ARHGEF10: variants seen among roughly 807,000 people sequenced by gnomAD.
The protein encoded by ARHGEF10 is Rho guanine nucleotide exchange factor (GEF) 10.
A neutral mutation model predicts 147.4 loss-of-function variants in ARHGEF10; 140 were observed. The ratio of observed to expected loss-of-function variants is 0.95; its 90% CI spans 0.83 to 1.09. The LOEUF (loss-of-function observed/expected upper bound fraction) is 1.09. ARHGEF10 is among the 50% of genes least tolerant of loss of function. The pLI, the probability that ARHGEF10 is intolerant of heterozygous loss-of-function variation, is 0.00. For missense variants in ARHGEF10, 2,222 were observed against 1,752.7 expected, an observed-to-expected ratio of 1.27 and a Z score of -4.78; for synonymous variants, 902 against 695.8, an observed-to-expected ratio of 1.30 and a Z score of -4.67.
At chr8:1,875,553 A>G (rs895720398) in intron 7 of ARHGEF10, among the ~76,000 whole-genome samples, 5 of 152,234 alleles carry the variant, frequency 3.3e-5, no homozygotes, top group Non-Finnish European at 7.3e-5. Context: ...CGTGGCACAC[A>G]GAACACACTG....
chr8:1,954,597 C>T (rs1328218207), intron 28 of ARHGEF10, among the ~76,000 whole-genome samples: 2 of 152,184 alleles, frequency 1.3e-5, no homozygotes, highest in Admixed American at 1.3e-4. Context: ...GAAGAGGCCA[C>T]CTGCCTGTGC....
At chr8:1,884,540 AG>A (rs1477600730) in intron 10 of ARHGEF10, among the ~76,000 whole-genome samples, 2 of 152,176 alleles carry the variant, frequency 1.3e-5, no homozygotes, top group East Asian at 3.9e-4. Context: ...GGCTGGTGCC[AG>A]GCCCTCCTTC....
At chr8:1,925,590 G>A (rs530916653) in intron 22 of ARHGEF10, among the ~76,000 whole-genome samples, 186 bp downstream of exon 22, 4 of 152,292 alleles carry the variant, frequency 2.6e-5, no homozygotes, top group African/African-American at 4.8e-5. Context: ...CTAAAAAAAC[G>A]CCCAGCCATT....
At chr8:1,873,765 T>C (rs1159703023) in intron 7 of ARHGEF10, among the ~76,000 whole-genome samples, 2 of 152,062 alleles carry the variant, frequency 1.3e-5, no homozygotes, top group Non-Finnish European at 2.9e-5. Flanking sequence ...TGCACCCACA[T>C]TTCTTCACTC....
In ARHGEF10 at chr8:1,952,761, G is replaced by C; in HGVS notation, c.3454G>C (p.Gly1152Arg). The change falls in exon 28 of 29, where the codon GGC (glycine) becomes CGC (arginine). Residue 1152 changes from glycine (G) to arginine (R), a missense_variant. Gly to Arg is a moderately radical substitution (Grantham distance 125, BLOSUM62 -2). Coordinates refer to ENST00000349830, the MANE Select transcript of ARHGEF10 (RefSeq NM_014629.4). The stretch of plus-strand genomic sequence containing the variant: ...CGTCTGCCACGGATTGCTGATGGTC[G>C]GCACCAGCCTGGGAGTCCTCGTGGC... ...LLVCHGLLMVGTSLGVLVALP... is the reference protein window; with the variant it reads ...LLVCHGLLMVRTSLGVLVALP... The C allele has an allele frequency of 6.2e-7, 1 of 1,613,492 alleles. No homozygotes were observed. Among genetic ancestry groups the C allele is most frequent in the Non-Finnish European group, 8.5e-7 (1 of 1,180,040 alleles).
intron 27 of ARHGEF10, among the ~76,000 whole-genome samples, chr8:1,947,683 C>T (rs574515376): frequency 1.4e-5 from 2 of 147,804 alleles, no homozygotes; most frequent in South Asian, 4.4e-4. Flanking sequence ...CACCCCACCC[C>T]GCATTCAGCA....
intron 18 of ARHGEF10, among the ~76,000 whole-genome samples, chr8:1,918,429 T>C (rs1811921081): frequency 6.6e-6 from 1 of 151,514 alleles, no homozygotes; most frequent in Non-Finnish European, 1.5e-5. Flanking sequence ...AAGAGTATTC[T>C]CCCTTCCCAT....
chr8:1,908,283 T>G lies in ARHGEF10; in HGVS notation c.1968-1012T>G, dbSNP rs368236283. ...TCTCGCTCTGTCACCCAGGCTGGAG[T>G]GCTGTGGCTCGATCTCAGCTCGCTG... On this transcript the variant is annotated intron_variant, in intron 17 of 28. Coordinates refer to ENST00000349830, the MANE Select transcript of ARHGEF10 (RefSeq NM_014629.4). Among the ~76,000 whole-genome samples, 14 of 142,798 alleles carry G rather than the reference T, an allele frequency of 9.8e-5. No individual in the cohort carries two copies. In the East Asian group the frequency reaches 1.8e-3, roughly 19 times the overall value. 93.7% of individuals were successfully genotyped at this position (142,798 alleles called of 152,430 possible).
At chr8:1,881,623 G>T (rs75902657) in intron 9 of ARHGEF10, among the ~76,000 whole-genome samples, 1 of 152,160 alleles carries the variant, frequency 6.6e-6, no homozygotes, top group Non-Finnish European at 1.5e-5. Flanking sequence ...CAGGCGACGC[G>T]GGTGTGAGGC....
At chr8:1,831,370 C>T (rs2129034777) in intron 1 of ARHGEF10, among the ~76,000 whole-genome samples, 1 of 142,592 alleles carries the variant, frequency 7.0e-6, no homozygotes, top group East Asian at 2.1e-4. Flanking sequence ...AGTGTGACAT[C>T]CATGGAGGGA....
chr8:1,944,958 C>T (rs540345616), intron 26 of ARHGEF10, among the ~76,000 whole-genome samples: 16 of 152,350 alleles, frequency 1.1e-4, no homozygotes, highest in East Asian at 7.7e-4. Context: ...GATGCACTTT[C>T]GGAGCTGCGG....
At chr8:1,914,783 C>T (rs368810103) in intron 18 of ARHGEF10, among the ~76,000 whole-genome samples, 5 of 152,264 alleles carry the variant, frequency 3.3e-5, no homozygotes, top group African/African-American at 9.6e-5. Context: ...TCCTGTATGG[C>T]GTGTGGATTT....
intron 3 of ARHGEF10, 85 bp downstream of exon 3, chr8:1,858,200 G>T: frequency 7.6e-7 from 1 of 1,315,478 alleles, no homozygotes; most frequent in African/African-American, 1.5e-5. Flanking sequence ...GAGTCACCAG[G>T]TGAGTTCCCA....
At chr8:1,832,677 C>G (rs1352976287) in intron 1 of ARHGEF10, among the ~76,000 whole-genome samples, 2 of 64,552 alleles carry the variant, frequency 3.1e-5, no homozygotes, top group African/African-American at 6.6e-5. Context: ...GAGACAGAGG[C>G]AGAGACAGAG....
At chr8:1,887,610 G>A (rs1290805089) in intron 11 of ARHGEF10, among the ~76,000 whole-genome samples, 1 of 149,008 alleles carries the variant, frequency 6.7e-6, no homozygotes, top group Non-Finnish European at 1.5e-5. Flanking sequence ...AAGTCCCTGA[G>A]CAGGTGAGGG....
intron 18 of ARHGEF10, among the ~76,000 whole-genome samples, chr8:1,919,953 A>C (rs202043441): frequency 3.2e-5 from 1 of 30,990 alleles, no homozygotes. Context: ...GAGCTGTTCT[A>C]TGGGTGATGG....
chr8:1,926,699 C>T, intron 23 of ARHGEF10: 1 of 581,058 alleles, frequency 1.7e-6, no homozygotes, highest in Non-Finnish European at 3.1e-6. Flanking sequence ...AAACATTTAC[C>T]AGATAAAGTT....
intron 1 of ARHGEF10, among the ~76,000 whole-genome samples, chr8:1,826,913 C>G (rs1328518269): frequency 1.3e-5 from 2 of 152,252 alleles, no homozygotes; most frequent in African/African-American, 4.8e-5. Context: ...TGAGGGAGAA[C>G]TTCAGCTCTC....
At chr8:1,862,298 G>A (rs536672949) in intron 4 of ARHGEF10, among the ~76,000 whole-genome samples, 5 of 152,352 alleles carry the variant, frequency 3.3e-5, no homozygotes, top group Admixed American at 6.5e-5. Flanking sequence ...CCAGGCCTGC[G>A]GTGGGAGGTT....
Sources: allele counts gnomAD v4.1 joint callset (sites outside exome capture counted in the v4.1 genomes callset), GRCh38; gene constraint gnomAD v4.1.1; transcripts MANE v1.5; gene names NCBI Gene and HGNC (gene_info 2026-07-23, HGNC 2026-07-21).